Variants in MSRA observed in about 807,000 individuals in gnomAD.
The protein encoded by MSRA is methionine sulfoxide reductase A, also known as mitochondrial peptide methionine sulfoxide reductase.
MSRA carries 54 observed loss-of-function variants against 31.3 expected under a neutral mutation model. The ratio of observed to expected loss-of-function variants is 1.73; its 90% CI spans 1.39 to 2.17. MSRA has a LOEUF of 2.17. Ranked by LOEUF, MSRA falls within the 30% of genes most tolerant of loss-of-function variation. The pLI, the probability that MSRA is intolerant of heterozygous loss-of-function variation, is 0.00. For synonymous variants in MSRA, 169 were observed against 116.5 expected, an observed-to-expected ratio of 1.45 and a Z score of -2.90; for missense variants, 507 against 300.9, an observed-to-expected ratio of 1.69 and a Z score of -5.07.
intron 1 of MSRA, among the ~76,000 whole-genome samples, chr8:10,107,427 C>T (rs1397854787): frequency 6.6e-6 from 1 of 152,092 alleles, no homozygotes; most frequent in Non-Finnish European, 1.5e-5. Context: ...CTCTGGGCAG[C>T]AGTCCTTGTG....
chr8:10,417,785 TACA>T (rs1808570930), intron 5 of MSRA, among the ~76,000 whole-genome samples: 1 of 151,300 alleles, frequency 6.6e-6, no homozygotes, highest in Non-Finnish European at 1.5e-5. Flanking sequence ...TGTGTCTGTG[TACA>T]CGCACGTGTG....
chr8:10,415,188 C>G (rs1167700288), intron 5 of MSRA, among the ~76,000 whole-genome samples: 1 of 152,300 alleles, frequency 6.6e-6, no homozygotes, highest in East Asian at 1.9e-4. Context: ...AGACCTGCAG[C>G]CAGCCCTGTC....
intron 1 of MSRA, among the ~76,000 whole-genome samples, chr8:10,204,709 A>G (rs777620978): frequency 5.9e-5 from 9 of 152,246 alleles, no homozygotes; most frequent in Non-Finnish European, 8.8e-5. Context: ...TAAGTGATGC[A>G]TAACTGTATA....
At chr8:10,322,413 C>T (rs946298507) in intron 5 of MSRA, among the ~76,000 whole-genome samples, 1 of 152,094 alleles carries the variant, frequency 6.6e-6, no homozygotes, top group Non-Finnish European at 1.5e-5. Flanking sequence ...GTACAAAGAC[C>T]AGAACTTGGA....
At chr8:10,141,003 G>C (rs1228083154) in intron 1 of MSRA, among the ~76,000 whole-genome samples, 2 of 152,128 alleles carry the variant, frequency 1.3e-5, no homozygotes, top group African/African-American at 4.8e-5. Flanking sequence ...AGTCCTTTTT[G>C]GGGGCTGTGC....
chr8:10,342,542 C>T (rs1308888966), intron 5 of MSRA, among the ~76,000 whole-genome samples: 1 of 152,204 alleles, frequency 6.6e-6, no homozygotes, highest in Non-Finnish European at 1.5e-5. Flanking sequence ...AACTGCTGAT[C>T]TTGATTGCAC....
intron 3 of MSRA, among the ~76,000 whole-genome samples, chr8:10,288,670 G>A (rs1800067032): frequency 6.6e-6 from 1 of 151,986 alleles, no homozygotes. Flanking sequence ...GAAGTTCTTA[G>A]TTCCATTTTT....
intron 1 of MSRA, among the ~76,000 whole-genome samples, chr8:10,056,005 T>C (rs1190570066): frequency 2.6e-5 from 4 of 152,020 alleles, no homozygotes; most frequent in Non-Finnish European, 2.9e-5. Context: ...TCTATACTTA[T>C]ATATAGATTT....
chr8:10,092,833 A>G (rs1439157486), intron 1 of MSRA, among the ~76,000 whole-genome samples: 1 of 151,974 alleles, frequency 6.6e-6, no homozygotes, highest in South Asian at 2.1e-4. Flanking sequence ...TTTCCCTTCA[A>G]TTATTTTAGA....
intron 1 of MSRA, among the ~76,000 whole-genome samples, chr8:10,085,795 C>G (rs560305059): frequency 6.6e-6 from 1 of 152,194 alleles, no homozygotes; most frequent in Non-Finnish European, 1.5e-5. Context: ...TTTCTGTCTC[C>G]ATAGTTATCT....
At chr8:10,427,265 G>C (rs1382889379) in intron 5 of MSRA, among the ~76,000 whole-genome samples, 1 of 152,200 alleles carries the variant, frequency 6.6e-6, no homozygotes, top group Non-Finnish European at 1.5e-5. Flanking sequence ...CCTGCAACAG[G>C]AAAGAATTAG....
intron 1 of MSRA, among the ~76,000 whole-genome samples, chr8:10,084,223 C>G (rs529421628): frequency 7.2e-5 from 11 of 152,334 alleles, no homozygotes; most frequent in Non-Finnish European, 1.6e-4. Flanking sequence ...TAGCGCTTCT[C>G]TTTCACAGTA....
chr8:10,214,429 A>C (rs532864376), intron 2 of MSRA, among the ~76,000 whole-genome samples: 26 of 152,292 alleles, frequency 1.7e-4, no homozygotes, highest in African/African-American at 5.8e-4. Flanking sequence ...GCCAGCCAAG[A>C]AAACAACATT....
intron 5 of MSRA, among the ~76,000 whole-genome samples, chr8:10,341,483 T>C (rs1341468330): frequency 6.6e-6 from 1 of 152,170 alleles, no homozygotes; most frequent in Admixed American, 6.5e-5. Context: ...CACCTTCCAC[T>C]AGGCCCCACC....
intron 1 of MSRA, among the ~76,000 whole-genome samples, chr8:10,117,693 A>G (rs1429633271): frequency 6.6e-6 from 1 of 152,084 alleles, no homozygotes; most frequent in African/African-American, 2.4e-5. Context: ...GATCAAGCAA[A>G]TACATTTCAG....
intron 1 of MSRA, among the ~76,000 whole-genome samples, chr8:10,178,523 A>G (rs1205186783): frequency 6.6e-6 from 1 of 152,256 alleles, no homozygotes; most frequent in African/African-American, 2.4e-5. Flanking sequence ...CTAATTTTAT[A>G]ATGCGGAAAC....
intron 3 of MSRA, 63 bp from the exon 4 acceptor site, chr8:10,301,470 CA>C (rs1800840281): frequency 2.3e-6 from 3 of 1,308,550 alleles, no homozygotes; most frequent in Non-Finnish European, 3.3e-6. Flanking sequence ...TTTTTGTGAA[CA>C]AAAAACTTGC....
intron 3 of MSRA, among the ~76,000 whole-genome samples, chr8:10,263,545 T>C (rs1798590168): frequency 1.3e-5 from 2 of 152,224 alleles, no homozygotes; most frequent in Admixed American, 1.3e-4. Flanking sequence ...AAACCGGGAA[T>C]CATTCTTTGG....
intron 3 of MSRA, among the ~76,000 whole-genome samples, chr8:10,261,887 G>A (rs890538745): frequency 3.3e-5 from 5 of 152,140 alleles, no homozygotes; most frequent in Admixed American, 6.5e-5. Context: ...ACAAACCCCT[G>A]GCAATCACTA....
Sources: allele counts gnomAD v4.1 joint callset (sites outside exome capture counted in the v4.1 genomes callset), GRCh38; gene constraint gnomAD v4.1.1; transcripts MANE v1.5; gene names NCBI Gene and HGNC (gene_info 2026-07-23, HGNC 2026-07-21).